The following NCS1 variants were observed in gnomAD, a reference collection of about 807,000 sequenced individuals.
The protein encoded by NCS1 is neuronal calcium sensor 1.
Under a neutral mutation model 28.4 loss-of-function variants are expected in NCS1, and 6 were observed. The ratio of observed to expected loss-of-function variants is 0.21; its 90% CI spans 0.12 to 0.42. NCS1 has a LOEUF of 0.42. Ranked by LOEUF, NCS1 falls within the 10% of genes least tolerant of loss-of-function variation. The pLI is 1.00. For synonymous variants in NCS1, 86 were observed against 99.3 expected (o/e 0.87, Z 0.79); for missense variants, 131 against 241.4 (o/e 0.54, Z 3.03).
rs532399909 is a variant in NCS1 at position 130,192,463 on chromosome 9, A to G, written c.65-8495A>G. Reference sequence around the variant, plus strand: ...GACACGGGGCCTGTCGTTGTGGGAAATGAGGCGCTCCAGACCCTCATTTAC... The same window carrying G: ...GACACGGGGCCTGTCGTTGTGGGAAGTGAGGCGCTCCAGACCCTCATTTAC... On this transcript the variant is annotated intron_variant, in intron 1 of 7. Coordinates refer to ENST00000372398, the MANE Select transcript of NCS1 (RefSeq NM_014286.4). This position sits in a 1 kb window ranked among gnomAD's most constrained non-coding sequence, Gnocchi z 4.8. Among the ~76,000 whole-genome samples the G allele has an allele frequency of 2.0e-4, 31 of 151,986 alleles. No homozygotes were observed. The highest frequency in any genetic ancestry group is 6.3e-4 in the African/African-American group (26 of 41,438).
intron 1 of NCS1, among the ~76,000 whole-genome samples, chr9:130,190,032 A>AATAGAGAGAGAG (rs1832797089): frequency 8.3e-6 from 1 of 120,470 alleles, no homozygotes. Flanking sequence ...ATGTTTATGC[A>AATAGAGAGAGAG]AGAGAGAGAG....
chr9:130,233,091 C>CG lies in NCS1; in HGVS notation c.*121dup, dbSNP rs1192999393. The stretch of plus-strand genomic sequence containing the variant: ...GCCTTCTTCCGCATCCACACACAGC[C>CG]GGCTGCCCTTGACCCGGGAGGCCCC... On this transcript the variant is annotated 3_prime_UTR_variant, in exon 8 of 8. Coordinates refer to ENST00000372398, the MANE Select transcript of NCS1 (RefSeq NM_014286.4). The surrounding 1 kb of genome is among the most constrained non-coding windows in gnomAD (Gnocchi z 4.8). 5.9e-5 allele frequency: 9 copies of CG among 153,388 alleles called. No individual in the cohort carries two copies. The highest frequency in any genetic ancestry group is 4.4e-5 in the Non-Finnish European group (3 of 68,760). 9.5% of individuals were successfully genotyped at this position (153,388 alleles called of 1,614,324 possible). A position where few individuals can be genotyped will look rare whatever the true frequency, so the allele number is the denominator to read the frequency against.
chr9:130,204,752 T>C (rs55662539), intron 2 of NCS1, among the ~76,000 whole-genome samples: 2 of 152,182 alleles, frequency 1.3e-5, no homozygotes, highest in Non-Finnish European at 2.9e-5. Flanking sequence ...ATAAGACGTT[T>C]GGAACAGAGT....
chr9:130,214,328 C>T (rs1833155498), intron 2 of NCS1, among the ~76,000 whole-genome samples: 1 of 152,206 alleles, frequency 6.6e-6, no homozygotes, highest in Non-Finnish European at 1.5e-5. Flanking sequence ...TATTCTCACG[C>T]TTCTTAAAAT....
chr9:130,227,308 T>C (rs1487879366), intron 7 of NCS1, among the ~76,000 whole-genome samples: 2 of 152,200 alleles, frequency 1.3e-5, no homozygotes, highest in Non-Finnish European at 2.9e-5. Context: ...GAGTGTTCAA[T>C]GTAGTCTGCG....
At chr9:130,187,332 A>C (rs1200578993) in intron 1 of NCS1, among the ~76,000 whole-genome samples, 1 of 152,016 alleles carries the variant, frequency 6.6e-6, no homozygotes, top group Non-Finnish European at 1.5e-5. Flanking sequence ...GCACCGTGAC[A>C]AGGACCCTGA....
chr9:130,200,711 C>T, intron 1 of NCS1: 1 of 1,521,800 alleles, frequency 6.6e-7, no homozygotes, highest in African/African-American at 1.4e-5. Flanking sequence ...GCGGCAGTGG[C>T]AGTGGCAGGT....
At chr9:130,188,079 A>G (rs10739774) in intron 1 of NCS1, among the ~76,000 whole-genome samples, 143,480 of 152,356 alleles carry the variant, frequency 0.94, 67,779 homozygotes, top group East Asian at 1. Context: ...CCCCGTTATT[A>G]GCCCTGGCCA....
intron 4 of NCS1, among the ~76,000 whole-genome samples, chr9:130,220,741 T>TTTTC (rs1214937321): frequency 1.3e-5 from 2 of 151,520 alleles, no homozygotes; most frequent in Non-Finnish European, 2.9e-5. Context: ...TTCTTTTTCT[T>TTTTC]TTTCTTTCTT....
At chr9:130,228,757 C>T (rs542495585) in intron 7 of NCS1, among the ~76,000 whole-genome samples, 1 of 151,630 alleles carries the variant, frequency 6.6e-6, no homozygotes, top group Non-Finnish European at 1.5e-5. Flanking sequence ...GCCTCTGCCT[C>T]CTGGGTTCAA....
intron 6 of NCS1, among the ~76,000 whole-genome samples, chr9:130,223,665 C>G (rs1161140086): frequency 6.6e-6 from 1 of 152,108 alleles, no homozygotes. Flanking sequence ...ATGAAAATAC[C>G]TGTGATCCCT....
chr9:130,220,248 G>C (rs1833257854), intron 4 of NCS1, among the ~76,000 whole-genome samples: 1 of 152,198 alleles, frequency 6.6e-6, no homozygotes, highest in Non-Finnish European at 1.5e-5. Context: ...TTTGATTCTT[G>C]CTTTCAGTCA....
intron 1 of NCS1, among the ~76,000 whole-genome samples, chr9:130,179,031 T>G (rs1484639814): frequency 6.8e-6 from 1 of 148,142 alleles, no homozygotes; most frequent in Non-Finnish European, 1.5e-5. Flanking sequence ...ACCTCCCGGG[T>G]TCAAGCAAAT....
chr9:130,223,590 G>A (rs1489736826), intron 6 of NCS1, among the ~76,000 whole-genome samples: 1 of 152,170 alleles, frequency 6.6e-6, no homozygotes, highest in Non-Finnish European at 1.5e-5. Flanking sequence ...TCACTAAGAT[G>A]TAGTGGTGGG....
At chr9:130,174,790 C>CAAAA (rs34473694) in intron 1 of NCS1, among the ~76,000 whole-genome samples, 1 of 91,578 alleles carries the variant, frequency 1.1e-5, no homozygotes, top group Non-Finnish European at 1.9e-5. Flanking sequence ...ACTCTGTCTC[C>CAAAA]AAAAAAAAAA....
At chr9:130,174,780 ACT>A (rs1832538245) in intron 1 of NCS1, among the ~76,000 whole-genome samples, 1 of 137,592 alleles carries the variant, frequency 7.3e-6, no homozygotes, top group Non-Finnish European at 1.6e-5. Context: ...CAAGAGGGAA[ACT>A]CTGTCTCCAA....
At chr9:130,189,476 C>T (rs1180653937) in intron 1 of NCS1, among the ~76,000 whole-genome samples, 2 of 152,076 alleles carry the variant, frequency 1.3e-5, no homozygotes, top group Middle Eastern at 3.2e-3. Context: ...CCCTGAGTGC[C>T]GGGGTCGGCT....
At chr9:130,213,402 T>C (rs1031350237) in intron 2 of NCS1, among the ~76,000 whole-genome samples, 1 of 151,774 alleles carries the variant, frequency 6.6e-6, no homozygotes, top group African/African-American at 2.4e-5. Flanking sequence ...CTCAGCCTCC[T>C]GAGTAGCTGG....
At chr9:130,213,141 C>T (rs1179031711) in intron 2 of NCS1, among the ~76,000 whole-genome samples, 4 of 152,298 alleles carry the variant, frequency 2.6e-5, no homozygotes, top group Admixed American at 6.5e-5. Flanking sequence ...GGCGGGGAGC[C>T]TGGGAGGCAG....
Sources: gnomAD v4.1 joint callset for allele counts (sites outside exome capture counted in the v4.1 genomes callset) on GRCh38, gnomAD v4.1.1 for gene constraint, Gnocchi (gnomAD v3.1) non-coding constraint, MANE v1.5 for transcripts, NCBI Gene and HGNC (gene_info 2026-07-23, HGNC 2026-07-21) for gene names.